TBC1D16: variants seen among roughly 807,000 people sequenced by gnomAD.
TBC1D16 encodes the protein TBC1 domain family member 16, also known as CTD-2529O21.1.
TBC1D16 carries 58 observed loss-of-function variants against 74.7 expected under a neutral mutation model. That is an observed-to-expected ratio of 0.78 (90% CI 0.63 to 0.97). The LOEUF is 0.97. Among genes scored for constraint, TBC1D16 ranks in the 50% least tolerant of loss-of-function variants. TBC1D16 has a pLI of 0.00. For synonymous variants in TBC1D16, 493 were observed against 474.7 expected (o/e 1.04, Z -0.50); for missense variants, 1,014 against 1,079.5 (o/e 0.94, Z 0.85).
intron 4 of TBC1D16, chr17:79,951,851 C>G: frequency 2.5e-6 from 1 of 392,828 alleles, no homozygotes; most frequent in Non-Finnish European, 4.6e-6. Context: ...GCCAGAGTGG[C>G]CTTCTCCCCA....
At chr17:80,012,950 G>C (rs998061174) in intron 2 of TBC1D16, among the ~76,000 whole-genome samples, 1 of 152,158 alleles carries the variant, frequency 6.6e-6, no homozygotes, top group Non-Finnish European at 1.5e-5. Context: ...GCCGAGAGTC[G>C]CTCAGCCTCT....
In TBC1D16 at chr17:80,013,504, G is replaced by A. The variant is rs768153967; in HGVS notation, c.44C>T (p.Ser15Leu). 1.0e-5 allele frequency: 16 copies of A among 1,569,976 alleles called. No homozygotes were observed. Among genetic ancestry groups the A allele is most frequent in the South Asian group, 8.2e-5 (7 of 85,338 alleles). The change falls in exon 2 of 12, where the codon TCG becomes TTG. Residue 15 changes from serine to leucine, a missense_variant. By Grantham distance (145) the Ser-to-Leu change is moderately radical. Transcript: ENST00000310924. The part of the protein sequence containing the change: ...RLLRRASSKA[S>L]DLLTLTPGGS... ...ACCGGGGGTGAGGGTCAGGAGGTCCGAGGCTTTGGAGGAGGCCCTGCGAAG... is the reference window on the plus strand; with the variant it reads ...ACCGGGGGTGAGGGTCAGGAGGTCCAAGGCTTTGGAGGAGGCCCTGCGAAG...
chr17:80,032,822 T>C (rs1034322021), intron 1 of TBC1D16, among the ~76,000 whole-genome samples: 11 of 152,330 alleles, frequency 7.2e-5, no homozygotes, highest in African/African-American at 2.6e-4. Flanking sequence ...CGGTGCTTAA[T>C]GCTGGATGAA....
intron 3 of TBC1D16, among the ~76,000 whole-genome samples, chr17:79,974,745 C>T (rs1451309203): frequency 6.6e-6 from 1 of 152,206 alleles, no homozygotes; most frequent in African/African-American, 2.4e-5. Flanking sequence ...GGCACCCACA[C>T]AGTAGGGCTA....
Position 80,009,340 on chromosome 17 carries a change from T to G in TBC1D16, c.779+820A>C, listed in dbSNP as rs1300787606. Among the ~76,000 whole-genome samples the G allele has an allele frequency of 3.3e-5, 5 of 152,338 alleles. No individual in the cohort carries two copies. In the East Asian group the frequency reaches 9.7e-4, roughly 29 times the overall value. On this transcript the variant is annotated intron_variant, in intron 3 of 11. Transcript: ENST00000310924. This position sits in a 1 kb window ranked among gnomAD's most constrained non-coding sequence, Gnocchi z 5.4. ...GTGGAAGTCGGATGCAGGCCCCCTGTGCTGGCTCTGGGGCTCCGGGCTTAT... is the reference window on the plus strand; with the variant it reads ...GTGGAAGTCGGATGCAGGCCCCCTGGGCTGGCTCTGGGGCTCCGGGCTTAT...
rs1432923072 is a variant in TBC1D16 at position 79,985,382 on chromosome 17, G to A, written c.779+24778C>T. Among the ~76,000 whole-genome samples, 1 of 152,212 alleles carries A rather than the reference G, an allele frequency of 6.6e-6. No homozygotes were observed. On this transcript the variant is annotated intron_variant, in intron 3 of 11. Coordinates refer to ENST00000310924, the MANE Select transcript of TBC1D16 (RefSeq NM_019020.4). The surrounding 1 kb of genome is among the most constrained non-coding windows in gnomAD (Gnocchi z 4.9). ...AGGTTCTGAGTGGCCATGAATTTGC[G>A]GGGAAGGGAGTCACTATCCAGGCCA...
intron 3 of TBC1D16, among the ~76,000 whole-genome samples, chr17:79,965,823 C>T (rs1401653744): frequency 2.0e-5 from 3 of 152,244 alleles, no homozygotes; most frequent in Non-Finnish European, 4.4e-5. Context: ...CACCCCTGCT[C>T]CTGGCTCAGA....
chr17:79,932,932 A>G lies in TBC1D16; in HGVS notation c.*7927T>C, dbSNP rs2031346411. 6.6e-6 allele frequency: 1 copy of G among 152,260 alleles called. No individual in the cohort carries two copies. The highest frequency in any genetic ancestry group is 2.1e-4 in the South Asian group (1 of 4,838). 9.4% of individuals were successfully genotyped at this position (152,260 alleles called of 1,614,324 possible). On this transcript the variant is annotated 3_prime_UTR_variant, in exon 12 of 12. Coordinates refer to ENST00000310924, the MANE Select transcript of TBC1D16 (RefSeq NM_019020.4). ...TTTGTCTCATGTTGAAGAGCTGATG[A>G]CATCGGACCTATCAGGTCAGACTTA...
intron 1 of TBC1D16, among the ~76,000 whole-genome samples, chr17:80,019,439 A>ACCCCCCC (rs71163907): frequency 7.4e-6 from 1 of 135,782 alleles, no homozygotes; most frequent in Non-Finnish European, 1.5e-5. Flanking sequence ...CACCAGGACA[A>ACCCCCCC]CCCCCCCCCG....
rs936603251 is a variant in TBC1D16, at chr17:79,993,454, T to C, written c.779+16706A>G. The stretch of plus-strand genomic sequence containing the variant: ...CTGTGTCCTCTGCCTTGCAGGTGTT[T>C]AGGGAACATTGTTCAGACTGGAAGG... On this transcript the variant is annotated intron_variant, in intron 3 of 11. Transcript: ENST00000310924. The surrounding 1 kb of genome is among the most constrained non-coding windows in gnomAD (Gnocchi z 5.1). The C allele has an allele frequency of 6.6e-6, 1 of 152,106 alleles. No homozygotes were observed. Among genetic ancestry groups the C allele is most frequent in the Non-Finnish European group, 1.5e-5 (1 of 68,048 alleles). The allele number at this position is 152,106 out of a possible 1,614,324, so 9.4% of individuals were successfully genotyped here. A position where few individuals can be genotyped will look rare whatever the true frequency, so the allele number is the denominator to read the frequency against.
rs569910372 is a variant in TBC1D16, at chr17:79,943,141, T to A, written c.1909-935A>T. 3.9e-5 allele frequency among the ~76,000 whole-genome samples: 6 copies of A among 152,362 alleles called. No homozygotes were observed. In the East Asian group the frequency reaches 1.2e-3, roughly 29 times the overall value. ...CGGAGCACACCATGAGGGCAGAGGC[T>A]ACAGGTGACTCCCACGCCCCAGCCT... is the stretch of plus-strand genomic sequence containing the variant. On this transcript the variant is annotated intron_variant, in intron 10 of 11. Transcript: ENST00000310924.
rs1174636923 is a variant in TBC1D16, at chr17:80,029,999, C to T, written c.-63+5796G>A. Among the ~76,000 whole-genome samples the T allele has an allele frequency of 2.0e-5, 3 of 152,132 alleles. No individual in the cohort carries two copies. The East Asian group carries it at 5.8e-4, about 29-fold the overall frequency. ...AGTGGCCGATCGAGTCCTTCTCATACCTCATCTCTCTGACCCTGACTCTCC... is the reference window on the plus strand; with the variant it reads ...AGTGGCCGATCGAGTCCTTCTCATATCTCATCTCTCTGACCCTGACTCTCC... On this transcript the variant is annotated intron_variant, in intron 1 of 11. Coordinates refer to ENST00000310924, the MANE Select transcript of TBC1D16 (RefSeq NM_019020.4).
chr17:79,950,591 A>G lies in TBC1D16; in HGVS notation c.1090-13T>C. 1 of 1,609,314 alleles carries G rather than the reference A, an allele frequency of 6.2e-7. No homozygotes were observed. The highest frequency in any genetic ancestry group is 1.1e-5 in the South Asian group (1 of 89,762). On this transcript the variant is annotated splice_polypyrimidine_tract_variant and intron_variant, in intron 5 of 11. Transcript: ENST00000310924. This position sits in a 1 kb window ranked among gnomAD's most constrained non-coding sequence, Gnocchi z 4.6. ...CGGGGGCGACCTGCTGGACGGGAGG[A>G]AAACTGGGCAAAGGTCAGGATCTCA... is the stretch of plus-strand genomic sequence containing the variant.
intron 1 of TBC1D16, among the ~76,000 whole-genome samples, chr17:80,033,263 A>G (rs4485403): frequency 0.29 from 44,429 of 152,106 alleles, 7,415 homozygotes; most frequent in African/African-American, 0.47. Flanking sequence ...ATCCTTGCAC[A>G]AAGTCTCTGA....
At position 80,007,174 on chromosome 17, in the gene TBC1D16, C is replaced by A. The variant is rs2035707080; in HGVS notation, c.779+2986G>T. Among the ~76,000 whole-genome samples the A allele has an allele frequency of 6.6e-6, 1 of 152,218 alleles. No homozygotes were observed. The highest frequency in any genetic ancestry group is 2.4e-5 in the African/African-American group (1 of 41,454). ...TGACACAGGCCTGAGGTGCGAGCCA[C>A]ACCGAGCCCGCGGCCATGTGGCCAA... On this transcript the variant is annotated intron_variant, in intron 3 of 11. Coordinates refer to ENST00000310924, the MANE Select transcript of TBC1D16 (RefSeq NM_019020.4). This position sits in a 1 kb window ranked among gnomAD's most constrained non-coding sequence, Gnocchi z 4.5.
rs992250039 is a variant in TBC1D16 at position 79,985,207 on chromosome 17, C to T, written c.779+24953G>A. Among the ~76,000 whole-genome samples, 4 of 152,158 alleles carry T rather than the reference C, an allele frequency of 2.6e-5. No homozygotes were observed. Among genetic ancestry groups the T allele is most frequent in the Admixed American group, 1.3e-4 (2 of 15,274 alleles). ...GCATCACTCCCATCTCTGCCTCCATCTCCCTGCCCCTCCTGTGTCTGTGTG... is the reference window on the plus strand; with the variant it reads ...GCATCACTCCCATCTCTGCCTCCATTTCCCTGCCCCTCCTGTGTCTGTGTG... On this transcript the variant is annotated intron_variant, in intron 3 of 11. Coordinates refer to ENST00000310924, the MANE Select transcript of TBC1D16 (RefSeq NM_019020.4). This position sits in a 1 kb window ranked among gnomAD's most constrained non-coding sequence, Gnocchi z 4.9.
intron 3 of TBC1D16, chr17:79,992,237 G>A (rs979118244): frequency 2.0e-5 from 3 of 152,402 alleles, no homozygotes; most frequent in African/African-American, 4.8e-5. Context: ...CCCACACTCC[G>A]CTGCTGTTCT....
rs372959985 is a variant in TBC1D16 at position 79,956,898 on chromosome 17, T to C, written c.780-4080A>G. ...TTGCCCCTAAGGGGTTGTGAGAGGG[T>C]TTAAGCCAACTTCTGCCTGGAGGCA... On this transcript the variant is annotated intron_variant, in intron 3 of 11. Coordinates refer to ENST00000310924, the MANE Select transcript of TBC1D16 (RefSeq NM_019020.4). This position sits in a 1 kb window ranked among gnomAD's most constrained non-coding sequence, Gnocchi z 4.0. 2.6e-5 allele frequency among the ~76,000 whole-genome samples: 4 copies of C among 152,136 alleles called. No homozygotes were observed. In the East Asian group the frequency reaches 7.7e-4, roughly 29 times the overall value.
chr17:79,984,560 AAGAG>A (rs1555877045), intron 3 of TBC1D16, among the ~76,000 whole-genome samples: 6 of 132,582 alleles, frequency 4.5e-5, no homozygotes, highest in Non-Finnish European at 5.0e-5. Context: ...AAAAGAAAGA[AAGAG>A]AGAGAGAGAA....
Sources: allele counts gnomAD v4.1 joint callset (sites outside exome capture counted in the v4.1 genomes callset), GRCh38; gene constraint gnomAD v4.1.1; non-coding constraint Gnocchi (gnomAD v3.1); transcripts MANE v1.5; gene names NCBI Gene and HGNC (gene_info 2026-07-23, HGNC 2026-07-21).